Variants in GRM7 observed in about 807,000 individuals in gnomAD.
The protein encoded by GRM7 is metabotropic glutamate receptor 7.
GRM7 carries 35 observed loss-of-function variants against 84.5 expected under a neutral mutation model. That is an observed-to-expected ratio of 0.41 (90% CI 0.32 to 0.55). The LOEUF is 0.55. GRM7 is among the 20% of genes least tolerant of loss of function. GRM7 has a pLI of 0.19. For synonymous variants in GRM7, 487 were observed against 455.1 expected (o/e 1.07, Z -0.89); for missense variants, 1,003 against 1,194.6 (o/e 0.84, Z 2.36).
At chr3:7,632,162 C>T (rs1697886007) in intron 8 of GRM7, among the ~76,000 whole-genome samples, 1 of 152,090 alleles carries the variant, frequency 6.6e-6, no homozygotes, top group African/African-American at 2.4e-5. Flanking sequence ...CATGCAGGGC[C>T]TTAGAAACTG....
intron 5 of GRM7, among the ~76,000 whole-genome samples, chr3:7,431,331 T>G (rs1696822430): frequency 6.6e-6 from 1 of 152,218 alleles, no homozygotes; most frequent in South Asian, 2.1e-4. Context: ...TATTGTATGA[T>G]CCTATTTATT....
intron 7 of GRM7, among the ~76,000 whole-genome samples, chr3:7,570,844 C>A (rs1446398473): frequency 6.6e-6 from 1 of 152,254 alleles, no homozygotes; most frequent in Non-Finnish European, 1.5e-5. Context: ...CAGCAAACTT[C>A]TGTCTGGACA....
chr3:6,861,857 T>G lies in GRM7; in HGVS notation c.469T>G (p.Ser157Ala). The change falls in exon 1 of 10, where the codon TCG (serine) becomes GCG (alanine). Residue 157 changes from serine (S) to alanine (A), a missense_variant. By Grantham distance (99) the Ser-to-Ala change is moderately conservative (BLOSUM62 1). This residue lies in a region of GRM7 where 910 missense variants were observed against 1,126.0 expected (regional missense o/e 0.81). Coordinates refer to ENST00000357716, the MANE Select transcript of GRM7 (RefSeq NM_000844.4). The surrounding 1 kb of genome is among the most constrained non-coding windows in gnomAD (Gnocchi z 6.4). ...GAAAGTAGTTGGAGTGATTGGGGCTTCGGGGAGTTCGGTCTCCATCATGGT... is the reference window on the plus strand; with the variant it reads ...GAAAGTAGTTGGAGTGATTGGGGCTGCGGGGAGTTCGGTCTCCATCATGGT... ...PEKVVGVIGA[S>A]GSSVSIMVAN... 6.2e-7 allele frequency: 1 copy of G among 1,613,998 alleles called. No individual in the cohort carries two copies. Among genetic ancestry groups the G allele is most frequent in the Non-Finnish European group, 8.5e-7 (1 of 1,179,978 alleles).
chr3:7,121,972 C>T (rs973863039), intron 1 of GRM7, among the ~76,000 whole-genome samples: 6 of 152,204 alleles, frequency 3.9e-5, no homozygotes, highest in African/African-American at 1.2e-4. Context: ...CTCATGCTCT[C>T]TCTGTCTCAC....
At chr3:7,377,810 G>A (rs1694417593) in intron 4 of GRM7, among the ~76,000 whole-genome samples, 1 of 152,162 alleles carries the variant, frequency 6.6e-6, no homozygotes, top group South Asian at 2.1e-4. Context: ...GAATACTAGT[G>A]TTCATAGAAC....
chr3:7,450,718 T>C (rs201104446), intron 5 of GRM7, among the ~76,000 whole-genome samples: 2 of 151,214 alleles, frequency 1.3e-5, no homozygotes, highest in Admixed American at 1.3e-4. Flanking sequence ...ATTTTATCTT[T>C]AAAAAAAAAT....
intron 7 of GRM7, among the ~76,000 whole-genome samples, chr3:7,564,648 T>A (rs2125039519): frequency 6.6e-6 from 1 of 152,226 alleles, no homozygotes. Flanking sequence ...GGAGCCATAA[T>A]ATATATATAT....
chr3:7,324,378 T>C (rs1350643784), intron 4 of GRM7, among the ~76,000 whole-genome samples: 1 of 152,192 alleles, frequency 6.6e-6, no homozygotes, highest in Admixed American at 6.5e-5. Flanking sequence ...ACGGGGAACT[T>C]CAGTCAATGA....
chr3:7,076,790 A>C (rs902986334), intron 1 of GRM7, among the ~76,000 whole-genome samples: 3 of 152,204 alleles, frequency 2.0e-5, no homozygotes, highest in African/African-American at 7.2e-5. Flanking sequence ...CAGAGTGAAC[A>C]GGCAACTTAT....
chr3:6,993,391 C>T (rs1694717118), intron 1 of GRM7, among the ~76,000 whole-genome samples: 1 of 152,064 alleles, frequency 6.6e-6, no homozygotes, highest in South Asian at 2.1e-4. Context: ...ATATAACATA[C>T]CATGTTATGG....
intron 7 of GRM7, among the ~76,000 whole-genome samples, chr3:7,503,938 G>C (rs772694605): frequency 2.0e-5 from 3 of 152,088 alleles, no homozygotes; most frequent in Non-Finnish European, 2.9e-5. Flanking sequence ...ACAATAATCT[G>C]TTCTCTGTGG....
At chr3:6,946,272 A>G (rs2125063075) in intron 1 of GRM7, among the ~76,000 whole-genome samples, 1 of 152,304 alleles carries the variant, frequency 6.6e-6, no homozygotes, top group South Asian at 2.1e-4. Context: ...TCAGCTTTCT[A>G]CATATGGCTA....
At chr3:7,262,757 G>C (rs981106562) in intron 2 of GRM7, among the ~76,000 whole-genome samples, 5 of 152,170 alleles carry the variant, frequency 3.3e-5, no homozygotes, top group African/African-American at 1.2e-4. Context: ...GAGTGCAGTG[G>C]CACAGTCTTG....
chr3:7,528,747 T>A (rs1045735199), intron 7 of GRM7, among the ~76,000 whole-genome samples: 1 of 152,110 alleles, frequency 6.6e-6, no homozygotes, highest in Non-Finnish European at 1.5e-5. Context: ...GATTTTTTTT[T>A]ATTTCTGCCC....
intron 9 of GRM7, among the ~76,000 whole-genome samples, chr3:7,720,674 CAGAAA>C (rs1701915820): frequency 1.3e-5 from 2 of 152,134 alleles, no homozygotes; most frequent in Non-Finnish European, 2.9e-5. Context: ...GATAGAATTT[CAGAAA>C]AGAAATCAAG....
intron 2 of GRM7, among the ~76,000 whole-genome samples, chr3:7,280,998 G>T (rs1575115745): frequency 1.3e-5 from 2 of 151,604 alleles, no homozygotes; most frequent in African/African-American, 4.8e-5. Flanking sequence ...ACTCTGAAAA[G>T]AAAAAAAATA....
intron 1 of GRM7, among the ~76,000 whole-genome samples, chr3:6,902,733 G>A (rs1447992078): frequency 1.3e-5 from 2 of 152,052 alleles, no homozygotes; most frequent in African/African-American, 4.8e-5. Flanking sequence ...CATCCAAGCA[G>A]TGTCTACTTG....
intron 2 of GRM7, among the ~76,000 whole-genome samples, chr3:7,233,541 G>A (rs1383910548): frequency 3.3e-5 from 5 of 152,052 alleles, no homozygotes; most frequent in Non-Finnish European, 7.4e-5. Context: ...TTTAATCTGA[G>A]GAGATATAAT....
intron 1 of GRM7, among the ~76,000 whole-genome samples, chr3:7,145,908 G>A (rs1406645374): frequency 2.0e-5 from 3 of 152,112 alleles, no homozygotes; most frequent in African/African-American, 4.8e-5. Context: ...GGGGCAAAGG[G>A]TATTACAGAG....
Sources: gnomAD v4.1 joint callset for allele counts (sites outside exome capture counted in the v4.1 genomes callset) on GRCh38, gnomAD v4.1.1 for gene constraint, gnomAD v4.1.1 regional missense constraint, Gnocchi (gnomAD v3.1) non-coding constraint, MANE v1.5 for transcripts, NCBI Gene and HGNC (gene_info 2026-07-23, HGNC 2026-07-21) for gene names.